The following RGS7 variants were observed in gnomAD, a reference collection of about 807,000 sequenced individuals.
RGS7 encodes regulator of G-protein signaling 7.
A neutral mutation model predicts 81.1 loss-of-function variants in RGS7; 27 were observed. That is an observed-to-expected ratio of 0.33 (90% CI 0.25 to 0.46). The LOEUF is 0.46. RGS7 is among the 20% of genes least tolerant of loss of function. RGS7 has a pLI of 1.00. For missense variants in RGS7, 396 were observed against 607.4 expected, an observed-to-expected ratio of 0.65 and a Z score of 3.66; for synonymous variants, 208 against 207.7, an observed-to-expected ratio of 1.00 and a Z score of -0.01.
intron 2 of RGS7, among the ~76,000 whole-genome samples, chr1:241,172,299 G>A (rs938247685): frequency 5.3e-5 from 8 of 152,026 alleles, no homozygotes; most frequent in Non-Finnish European, 2.9e-5. Flanking sequence ...TTATGCTTTT[G>A]GATGAATGAA....
intron 2 of RGS7, among the ~76,000 whole-genome samples, chr1:241,256,933 AC>A (rs2077077628): frequency 1.2e-5 from 1 of 82,810 alleles, no homozygotes; most frequent in African/African-American, 4.0e-5. Flanking sequence ...AAATACACAC[AC>A]ACACACACAC....
intron 10 of RGS7, among the ~76,000 whole-genome samples, chr1:240,817,305 C>G (rs1418641965): frequency 6.6e-6 from 1 of 152,058 alleles, no homozygotes; most frequent in Admixed American, 6.6e-5. Flanking sequence ...TGGATATGAG[C>G]AAGAAGGATG....
intron 2 of RGS7, among the ~76,000 whole-genome samples, chr1:241,282,292 C>T (rs1282291923): frequency 6.6e-6 from 1 of 152,164 alleles, no homozygotes; most frequent in Non-Finnish European, 1.5e-5. Context: ...AGGATAATGG[C>T]CTCCAGCTGC....
intron 6 of RGS7, among the ~76,000 whole-genome samples, chr1:240,882,685 T>A (rs1307978204): frequency 1.3e-5 from 2 of 152,162 alleles, no homozygotes; most frequent in East Asian, 3.9e-4. Context: ...TTCTTTGAAG[T>A]GTCCATTTTT....
intron 4 of RGS7, among the ~76,000 whole-genome samples, chr1:240,976,500 A>G (rs902343509): frequency 1.3e-5 from 2 of 152,218 alleles, no homozygotes; most frequent in African/African-American, 4.8e-5. Context: ...TATTTGAATT[A>G]GTAGACTTTG....
intron 2 of RGS7, among the ~76,000 whole-genome samples, chr1:241,289,164 A>G (rs910811770): frequency 6.6e-6 from 1 of 152,184 alleles, no homozygotes; most frequent in Admixed American, 6.5e-5. Context: ...CAGCCTTTCA[A>G]TGAGATGCTT....
chr1:241,130,927 CA>C (rs11365447), intron 2 of RGS7, among the ~76,000 whole-genome samples: 9,922 of 90,126 alleles, frequency 0.11, 717 homozygotes, highest in East Asian at 0.44. Context: ...GGCTTAATTA[CA>C]AAAAAAAAAA....
chr1:241,054,047 C>T (rs1005184721), intron 3 of RGS7, among the ~76,000 whole-genome samples: 2 of 152,144 alleles, frequency 1.3e-5, no homozygotes, highest in African/African-American at 2.4e-5. Context: ...GTCAGAAGCG[C>T]TCTATGACCT....
intron 4 of RGS7, among the ~76,000 whole-genome samples, chr1:240,968,243 A>G (rs1263459468): frequency 6.6e-6 from 1 of 152,228 alleles, no homozygotes; most frequent in African/African-American, 2.4e-5. Flanking sequence ...AGTAAGCCTC[A>G]GGCCTTTGAA....
chr1:241,212,729 C>G (rs2074316538), intron 2 of RGS7, among the ~76,000 whole-genome samples: 11 of 152,142 alleles, frequency 7.2e-5, no homozygotes, highest in Admixed American at 7.2e-4. Context: ...GCCCACCTCA[C>G]CAGCAGGGTG....
chr1:240,870,135 A>G lies in RGS7; in HGVS notation c.386-16T>C, dbSNP rs759854175. 16 of 1,612,784 alleles carry G rather than the reference A, an allele frequency of 9.9e-6. No homozygotes were observed. In the South Asian group the frequency reaches 1.4e-4, roughly 14 times the overall value. On this transcript the variant is annotated splice_polypyrimidine_tract_variant and intron_variant, in intron 6 of 18. Transcript: ENST00000440928. ...AGGTAAACGGCTGAAAAAAAAATCA[A>G]TCATTTCTTGCCTGCTTATCAACAC... is the stretch of plus-strand genomic sequence containing the variant.
At chr1:241,340,860 C>A (rs920162776) in intron 2 of RGS7, among the ~76,000 whole-genome samples, 14 of 151,860 alleles carry the variant, frequency 9.2e-5, no homozygotes, top group African/African-American at 2.9e-4. Context: ...AAGGCAAGAG[C>A]AAAAACACTA....
intron 2 of RGS7, among the ~76,000 whole-genome samples, chr1:241,272,109 T>A (rs1160825947): frequency 1.3e-5 from 2 of 151,920 alleles, no homozygotes; most frequent in African/African-American, 2.4e-5. Context: ...TTCTCCTGCC[T>A]CAGCCTTCCA....
intron 2 of RGS7, among the ~76,000 whole-genome samples, chr1:241,353,245 C>A (rs757046638): frequency 3.9e-5 from 6 of 152,130 alleles, no homozygotes; most frequent in Non-Finnish European, 8.8e-5. Context: ...CATATTCAAC[C>A]AACACCCCTC....
intron 16 of RGS7, 138 bp downstream of exon 16, chr1:240,802,766 T>C: frequency 1.4e-6 from 1 of 704,348 alleles, no homozygotes; most frequent in Non-Finnish European, 2.6e-6. Flanking sequence ...CCTTATAAAA[T>C]GCAAAGGTTT....
chr1:241,119,750 A>G (rs886380295), intron 2 of RGS7, among the ~76,000 whole-genome samples: 4 of 152,366 alleles, frequency 2.6e-5, no homozygotes, highest in Non-Finnish European at 4.4e-5. Flanking sequence ...AAGTTTTCCA[A>G]AATTATAACT....
intron 6 of RGS7, among the ~76,000 whole-genome samples, chr1:240,880,745 A>G (rs1316823776): frequency 6.6e-6 from 1 of 152,168 alleles, no homozygotes; most frequent in African/African-American, 2.4e-5. Flanking sequence ...ATTCCATCCA[A>G]TGCTAATTTC....
At chr1:241,045,731 G>C (rs752362632) in intron 3 of RGS7, among the ~76,000 whole-genome samples, 35 of 152,120 alleles carry the variant, frequency 2.3e-4, no homozygotes, top group Non-Finnish European at 4.9e-4. Context: ...ACATAAAATG[G>C]GTGGATTCTC....
chr1:241,206,954 T>G (rs1573127807), intron 2 of RGS7, among the ~76,000 whole-genome samples: 1 of 141,350 alleles, frequency 7.1e-6, no homozygotes, highest in Admixed American at 7.3e-5. Context: ...CTTCTTTCTC[T>G]CTCTGGTTTT....
Sources: gnomAD v4.1 joint callset for allele counts (sites outside exome capture counted in the v4.1 genomes callset) on GRCh38, gnomAD v4.1.1 for gene constraint, MANE v1.5 for transcripts, NCBI Gene and HGNC (gene_info 2026-07-23, HGNC 2026-07-21) for gene names.